The following B3GALT5 variants were observed in gnomAD, a reference collection of about 807,000 sequenced individuals.
The protein encoded by B3GALT5 is beta-1,3-galactosyltransferase 5.
For synonymous variants in B3GALT5, 156 were observed against 158.6 expected, an observed-to-expected ratio of 0.98 and a Z score of 0.12; for missense variants, 328 against 396.6, an observed-to-expected ratio of 0.83 and a Z score of 1.47.
chr21:39,670,888 A>G lies in B3GALT5; in HGVS notation c.*9396A>G, dbSNP rs2079622044. 6.6e-6 allele frequency: 1 copy of G among 152,172 alleles called. No homozygotes were observed. Among genetic ancestry groups the G allele is most frequent in the African/African-American group, 2.4e-5 (1 of 41,446 alleles). 9.4% of individuals were successfully genotyped at this position (152,172 alleles called of 1,614,324 possible). A position where few individuals can be genotyped will look rare whatever the true frequency, so the allele number is the denominator to read the frequency against. On this transcript the variant is annotated 3_prime_UTR_variant, in exon 4 of 4. Coordinates refer to ENST00000684187, the MANE Select transcript of B3GALT5 (RefSeq NM_001356336.2). Reference sequence around the variant, plus strand: ...ATGAGGCAATGTTTACATTTTCTCCATGTCCTCCATTTGGAAGTGTCTTAG... The same window carrying G: ...ATGAGGCAATGTTTACATTTTCTCCGTGTCCTCCATTTGGAAGTGTCTTAG...
intron 2 of B3GALT5, among the ~76,000 whole-genome samples, chr21:39,651,881 C>T (rs1283724539): frequency 6.6e-6 from 1 of 152,128 alleles, no homozygotes; most frequent in East Asian, 1.9e-4. Context: ...CCATTTATTT[C>T]AACATAATTG....
intron 1 of B3GALT5, among the ~76,000 whole-genome samples, chr21:39,619,011 T>G (rs903573754): frequency 6.6e-6 from 1 of 152,250 alleles, no homozygotes. Context: ...AAATGAATAG[T>G]CAGTCCTAGG....
At chr21:39,613,115 G>A (rs1411919290) in intron 1 of B3GALT5, 48 bp downstream of exon 1, 1 of 148,824 alleles carries the variant, frequency 6.7e-6, no homozygotes, top group Non-Finnish European at 1.5e-5. Context: ...CTGGCCGGGA[G>A]CGGGGGGCCG....
chr21:39,623,973 A>C (rs2079150966), intron 1 of B3GALT5, among the ~76,000 whole-genome samples: 2 of 152,114 alleles, frequency 1.3e-5, no homozygotes, highest in Non-Finnish European at 2.9e-5. Flanking sequence ...TCTGTCCAAT[A>C]AGTCCTGATT....
intron 1 of B3GALT5, among the ~76,000 whole-genome samples, chr21:39,643,405 G>A (rs2079307878): frequency 6.8e-6 from 1 of 146,142 alleles, no homozygotes; most frequent in Admixed American, 6.9e-5. Context: ...GCAACAGAGC[G>A]AGACTCTAGC....
intron 1 of B3GALT5, among the ~76,000 whole-genome samples, chr21:39,618,070 G>C (rs1269022221): frequency 6.6e-6 from 1 of 152,172 alleles, no homozygotes; most frequent in East Asian, 1.9e-4. Flanking sequence ...TGGGAGGATT[G>C]CTTGGGTCCA....
intron 2 of B3GALT5, among the ~76,000 whole-genome samples, chr21:39,652,414 C>T (rs1055497074): frequency 1.3e-5 from 2 of 152,250 alleles, no homozygotes; most frequent in African/African-American, 4.8e-5. Context: ...CAGCACTTCC[C>T]AACCGTTCTG....
intron 2 of B3GALT5, among the ~76,000 whole-genome samples, chr21:39,654,725 C>A (rs1232186226): frequency 6.6e-6 from 1 of 152,172 alleles, no homozygotes; most frequent in African/African-American, 2.4e-5. Context: ...ACAACCATGA[C>A]CCTGATCAGT....
intron 1 of B3GALT5, among the ~76,000 whole-genome samples, chr21:39,638,009 A>T (rs780233620): frequency 3.9e-5 from 6 of 152,174 alleles, no homozygotes; most frequent in Non-Finnish European, 7.3e-5. Flanking sequence ...TCCACTTGTC[A>T]TAATGTCCTT....
rs536150419 is a variant in B3GALT5, at chr21:39,666,967, A to G, written c.*5475A>G. On this transcript the variant is annotated 3_prime_UTR_variant, in exon 4 of 4. Transcript: ENST00000684187. ...CTTTCCAATCTGTCCTCCACTTGAC[A>G]TTTGGAGTAATTTTTTAAAACAGCA... The G allele has an allele frequency of 3.6e-3, 544 of 152,244 alleles. 1 individual carries two copies. The highest frequency in any genetic ancestry group is 5.4e-3 in the Admixed American group (83 of 15,302). The allele number at this position is 152,244 out of a possible 1,614,324, so 9.4% of individuals were successfully genotyped here. A position where few individuals can be genotyped will look rare whatever the true frequency, so the allele number is the denominator to read the frequency against.
In B3GALT5 at chr21:39,646,390, A is replaced by G. The variant is rs2079340109; in HGVS notation, c.-391-2A>G. On this transcript the variant is annotated splice_acceptor_variant, in intron 1 of 3. Coordinates refer to ENST00000684187, the MANE Select transcript of B3GALT5 (RefSeq NM_001356336.2). LOFTEE classifies it low-confidence loss of function (5UTR_SPLICE). The stretch of plus-strand genomic sequence containing the variant: ...AACGCTCTTAAATTTTTCATACAAC[A>G]GTTTCATCTGGAAGAGAGGCCATTG... 6.6e-6 allele frequency: 1 copy of G among 152,254 alleles called. No individual in the cohort carries two copies. Among genetic ancestry groups the G allele is most frequent in the African/African-American group, 2.4e-5 (1 of 41,472 alleles). 9.4% of individuals were successfully genotyped at this position (152,254 alleles called of 1,614,324 possible).
At chr21:39,614,195 G>A (rs2079095725) in intron 1 of B3GALT5, among the ~76,000 whole-genome samples, 1 of 152,134 alleles carries the variant, frequency 6.6e-6, no homozygotes, top group Non-Finnish European at 1.5e-5. Flanking sequence ...TAAAACAGGT[G>A]CGTGTAATAT....
intron 1 of B3GALT5, among the ~76,000 whole-genome samples, chr21:39,625,703 C>T (rs2079160079): frequency 1.3e-5 from 2 of 152,224 alleles, no homozygotes; most frequent in African/African-American, 4.8e-5. Context: ...CTCACCCCCG[C>T]AGGGGCGCAC....
intron 1 of B3GALT5, among the ~76,000 whole-genome samples, chr21:39,636,445 G>A (rs375955124): frequency 6.6e-6 from 1 of 152,030 alleles, no homozygotes; most frequent in Non-Finnish European, 1.5e-5. Flanking sequence ...AAACCCCGAC[G>A]CCTTTCCTTG....
intron 2 of B3GALT5, chr21:39,657,431 C>G (rs999158957): frequency 6.5e-6 from 1 of 153,876 alleles, no homozygotes; most frequent in Non-Finnish European, 1.4e-5. Flanking sequence ...GCTGCAGGCT[C>G]TCTGGCCTTT....
rs554601257 is a variant in B3GALT5, at chr21:39,614,386, C to CA, written c.-392+1320dup. ...AATCTGACGTGTTCAGGAAGGAGCTCAGTGTGAGGCCCATGGACGTTACCT... is the reference window on the plus strand; with the variant it reads ...AATCTGACGTGTTCAGGAAGGAGCTCAAGTGTGAGGCCCATGGACGTTACCT... On this transcript the variant is annotated intron_variant, in intron 1 of 3. Coordinates refer to ENST00000684187, the MANE Select transcript of B3GALT5 (RefSeq NM_001356336.2). 2.0e-3 allele frequency among the ~76,000 whole-genome samples: 298 copies of CA among 152,230 alleles called. 3 individuals are homozygous for CA. Among genetic ancestry groups the CA allele is most frequent in the Admixed American group, 0.015 (229 of 15,296 alleles).
chr21:39,644,255 A>G (rs879314339), intron 1 of B3GALT5, among the ~76,000 whole-genome samples: 4 of 152,190 alleles, frequency 2.6e-5, no homozygotes, highest in Admixed American at 6.5e-5. Flanking sequence ...GTTCTGTCCT[A>G]CGTCCCCAAC....
chr21:39,628,894 G>A (rs565183263), intron 1 of B3GALT5, among the ~76,000 whole-genome samples: 1 of 152,288 alleles, frequency 6.6e-6, no homozygotes, highest in South Asian at 2.1e-4. Flanking sequence ...CTTATTTTTA[G>A]AGAAAATCAA....
In B3GALT5 at chr21:39,620,948, G is replaced by A. The variant is rs961615951; in HGVS notation, c.-392+7881G>A. ...TTTCTGGTCTTATTCCATTGGCTGGGACCTCAAGGGCAATGTTTAATAAAA... is the reference window on the plus strand; with the variant it reads ...TTTCTGGTCTTATTCCATTGGCTGGAACCTCAAGGGCAATGTTTAATAAAA... On this transcript the variant is annotated intron_variant, in intron 1 of 3. Transcript: ENST00000684187. Among the ~76,000 whole-genome samples, 8 of 152,150 alleles carry A rather than the reference G, an allele frequency of 5.3e-5. No homozygotes were observed. The East Asian group carries it at 1.4e-3, about 26-fold the overall frequency.
Sources: allele counts gnomAD v4.1 joint callset (sites outside exome capture counted in the v4.1 genomes callset), GRCh38; gene constraint gnomAD v4.1.1; transcripts MANE v1.5; gene names NCBI Gene and HGNC (gene_info 2026-07-23, HGNC 2026-07-21).